RIPOR3: variants seen among roughly 807,000 people sequenced by gnomAD.
RIPOR3 encodes RIPOR family member 3, also known as family with sequence similarity 65 member C.
In RIPOR3, 95 loss-of-function variants were observed where a neutral mutation model predicts 114.3. That is an observed-to-expected ratio of 0.83 (90% CI 0.70 to 0.99). The LOEUF is 0.99. RIPOR3 is among the 50% of genes least tolerant of loss of function. The pLI is 0.00. For synonymous variants in RIPOR3, 575 were observed against 543.8 expected (o/e 1.06, Z -0.80); for missense variants, 1,252 against 1,266.9 (o/e 0.99, Z 0.18).
At chr20:50,670,610 C>T (rs181567358) in intron 1 of RIPOR3, among the ~76,000 whole-genome samples, 4 of 152,276 alleles carry the variant, frequency 2.6e-5, no homozygotes, top group South Asian at 4.2e-4. Context: ...CATGGATATC[C>T]GTCACCAGCG....
At chr20:50,607,751 AC>A (rs1473435370) in intron 11 of RIPOR3, among the ~76,000 whole-genome samples, 2 of 152,106 alleles carry the variant, frequency 1.3e-5, no homozygotes, top group African/African-American at 4.8e-5. Flanking sequence ...CAGCTCGGAC[AC>A]CCACCCTAGG....
chr20:50,593,045 G>A lies in RIPOR3; in HGVS notation c.2364C>T (p.Leu788=), dbSNP rs2083164791. ...CCACCCCAGTCTTACCTTCCTTGGT[G>A]AGCTGGGTGAAGTGCTTCTCCAGGT... ...VSDLEKHFTQ[L]TKEVTLIEEL... Residue 788 remains leucine, a synonymous_variant, in exon 18 of 22, where the codon CTC becomes CTT. Transcript: ENST00000327979. 1 of 1,614,032 alleles carries A rather than the reference G, an allele frequency of 6.2e-7. No individual in the cohort carries two copies. The highest frequency in any genetic ancestry group is 8.5e-7 in the Non-Finnish European group (1 of 1,180,016).
chr20:50,651,193 C>T (rs1014995054), intron 1 of RIPOR3, among the ~76,000 whole-genome samples: 2 of 152,206 alleles, frequency 1.3e-5, no homozygotes, highest in Middle Eastern at 3.4e-3. Flanking sequence ...GTGGCCAATA[C>T]AGGAGGCCTC....
At chr20:50,673,992 C>T (rs1224155888) in intron 1 of RIPOR3, among the ~76,000 whole-genome samples, 1 of 152,216 alleles carries the variant, frequency 6.6e-6, no homozygotes, top group African/African-American at 2.4e-5. Context: ...CTGCCATGCA[C>T]AGGAGTCATG....
chr20:50,691,057 C>A, intron 1 of RIPOR3, 69 bp downstream of exon 1: 1 of 1,289,274 alleles, frequency 7.8e-7, no homozygotes, highest in Non-Finnish European at 1.0e-6. Flanking sequence ...CTGTCACCCC[C>A]AGCTCCAGAA....
chr20:50,595,731 A>G (rs2083265420), intron 15 of RIPOR3, among the ~76,000 whole-genome samples: 1 of 152,236 alleles, frequency 6.6e-6, no homozygotes, highest in African/African-American at 2.4e-5. Context: ...CCTGCCTGAA[A>G]GTGAAGCCAA....
intron 1 of RIPOR3, among the ~76,000 whole-genome samples, chr20:50,677,174 C>T (rs967990723): frequency 6.6e-6 from 1 of 152,028 alleles, no homozygotes; most frequent in African/African-American, 2.4e-5. Flanking sequence ...CCTGGGAATT[C>T]GGACTAACTC....
chr20:50,594,715 CTG>C lies in RIPOR3; in HGVS notation c.2051-3_2051-2del. The stretch of plus-strand genomic sequence containing the variant: ...TTCGTCCGCGAGGCCTGTGGGATGA[CTG>C]AAAGCCCCAGTTCAGAAACCTGAAT... On this transcript the variant is annotated splice_acceptor_variant and splice_polypyrimidine_tract_variant and intron_variant, in intron 16 of 21. Transcript: ENST00000327979. LOFTEE classifies it high-confidence loss of function. The C allele has an allele frequency of 6.2e-7, 1 of 1,607,442 alleles. No homozygotes were observed. Among genetic ancestry groups the C allele is most frequent in the South Asian group, 1.1e-5 (1 of 90,850 alleles).
chr20:50,681,505 C>G (rs1158732138), intron 1 of RIPOR3, among the ~76,000 whole-genome samples: 1 of 152,168 alleles, frequency 6.6e-6, no homozygotes, highest in Non-Finnish European at 1.5e-5. Flanking sequence ...GATTCAAACC[C>G]AGTTCTGCCA....
intron 3 of RIPOR3, among the ~76,000 whole-genome samples, chr20:50,619,648 GTC>G (rs930697138): frequency 2.7e-4 from 41 of 152,180 alleles, no homozygotes; most frequent in African/African-American, 9.9e-4. Context: ...TCGACGCACT[GTC>G]TCTCTGTTAC....
intron 17 of RIPOR3, among the ~76,000 whole-genome samples, chr20:50,593,647 G>A (rs1021602788): frequency 2.6e-5 from 4 of 152,030 alleles, no homozygotes; most frequent in Non-Finnish European, 4.4e-5. Context: ...GGGGAGGAGT[G>A]TGCCCAGCTA....
At chr20:50,679,177 G>GAA (rs1354534344) in intron 1 of RIPOR3, among the ~76,000 whole-genome samples, 1 of 108,376 alleles carries the variant, frequency 9.2e-6, no homozygotes, top group Non-Finnish European at 1.8e-5. Flanking sequence ...GAGAGAGAGA[G>GAA]ATACACATAT....
intron 1 of RIPOR3, among the ~76,000 whole-genome samples, chr20:50,668,431 C>G (rs532539816): frequency 1.1e-4 from 16 of 152,288 alleles, no homozygotes; most frequent in African/African-American, 3.1e-4. Flanking sequence ...CATGAACAGG[C>G]AAAGCTGCTT....
chr20:50,647,732 T>C (rs895077700), intron 1 of RIPOR3, among the ~76,000 whole-genome samples: 14 of 151,460 alleles, frequency 9.2e-5, no homozygotes, highest in African/African-American at 3.4e-4. Flanking sequence ...TCCACCCGCC[T>C]CGGCCTCCCA....
intron 16 of RIPOR3, chr20:50,595,043 T>G: frequency 2.1e-6 from 1 of 482,982 alleles, no homozygotes; most frequent in Non-Finnish European, 3.8e-6. Context: ...TGACGGCACA[T>G]TCTGCACCTT....
At chr20:50,655,785 GA>G (rs2085790092) in intron 1 of RIPOR3, among the ~76,000 whole-genome samples, 1 of 151,706 alleles carries the variant, frequency 6.6e-6, no homozygotes, top group East Asian at 1.9e-4. Context: ...CCAGAAAAAA[GA>G]TGAACACGAA....
intron 1 of RIPOR3, among the ~76,000 whole-genome samples, chr20:50,663,259 G>GGACTGC (rs1165155167): frequency 6.6e-6 from 1 of 152,054 alleles, no homozygotes; most frequent in African/African-American, 2.4e-5. Flanking sequence ...CCTGAGGCTG[G>GGACTGC]GACTGCCACA....
At chr20:50,623,486 G>C (rs1600606692) in intron 2 of RIPOR3, among the ~76,000 whole-genome samples, 1 of 152,070 alleles carries the variant, frequency 6.6e-6, no homozygotes, top group Non-Finnish European at 1.5e-5. Flanking sequence ...GTGGATGCAA[G>C]GAGCAAGGTT....
intron 1 of RIPOR3, among the ~76,000 whole-genome samples, chr20:50,631,329 A>G (rs2084814733): frequency 6.6e-6 from 1 of 152,150 alleles, no homozygotes; most frequent in African/African-American, 2.4e-5. Flanking sequence ...TGCTGGAGTT[A>G]TGGGGGTCCC....
Sources: gnomAD v4.1 joint callset for allele counts (sites outside exome capture counted in the v4.1 genomes callset) on GRCh38, gnomAD v4.1.1 for gene constraint, MANE v1.5 for transcripts, NCBI Gene and HGNC (gene_info 2026-07-23, HGNC 2026-07-21) for gene names.